ZNF385D: variants seen among roughly 807,000 people sequenced by gnomAD.
The protein encoded by ZNF385D is zinc finger protein 385D, also known as zinc finger protein 659.
ZNF385D carries 15 observed loss-of-function variants against 35.8 expected under a neutral mutation model. The ratio of observed to expected loss-of-function variants is 0.42; its 90% CI spans 0.28 to 0.64. The LOEUF (loss-of-function observed/expected upper bound fraction) is 0.64, where lower values mean the gene tolerates loss of function less well. Ranked by LOEUF, ZNF385D falls within the 30% of genes least tolerant of loss-of-function variation. The pLI, the probability that ZNF385D is intolerant of heterozygous loss-of-function variation, is 0.23. For synonymous variants in ZNF385D, 212 were observed against 186.8 expected (o/e 1.13, Z -1.10); for missense variants, 474 against 494.6 (o/e 0.96, Z 0.39).
chr3:21,510,728 C>T, intron 4 of ZNF385D, 133 bp downstream of exon 4: 2 of 1,170,286 alleles, frequency 1.7e-6, no homozygotes, highest in Non-Finnish European at 2.4e-6. Flanking sequence ...GAAACAATTA[C>T]CATTATACAG....
chr3:21,602,647 C>G (rs1007807236), intron 2 of ZNF385D, among the ~76,000 whole-genome samples: 1 of 149,634 alleles, frequency 6.7e-6, no homozygotes, highest in African/African-American at 2.5e-5. Flanking sequence ...ATTCTCCTGC[C>G]TCAGCCTCCC....
At chr3:21,755,679 T>C (rs1379062812), upstream of ZNF385D, among the ~76,000 whole-genome samples, 8 of 152,228 alleles carry the variant, frequency 5.3e-5, no homozygotes, top group Non-Finnish European at 1.5e-5. Context: ...TTTACTTGTA[T>C]GTAACCCAAA....
chr3:21,963,432 C>T (rs184661353), intron 3 of ZNF385D, among the ~76,000 whole-genome samples: 4 of 152,202 alleles, frequency 2.6e-5, no homozygotes, highest in Admixed American at 2.6e-4. Context: ...AAAGAGTTCG[C>T]ATCTTACTTT....
intron 3 of ZNF385D, among the ~76,000 whole-genome samples, chr3:22,075,529 T>A (rs979798107): frequency 6.6e-6 from 1 of 151,838 alleles, no homozygotes; most frequent in Non-Finnish European, 1.5e-5. Context: ...CTTTCTTGGA[T>A]TTCATGTAAC....
At chr3:22,079,636 C>A (rs1020506588) in intron 3 of ZNF385D, among the ~76,000 whole-genome samples, 1 of 151,926 alleles carries the variant, frequency 6.6e-6, no homozygotes, top group Non-Finnish European at 1.5e-5. Flanking sequence ...CAGGGAGATA[C>A]TGCACTAAAG....
intron 4 of ZNF385D, among the ~76,000 whole-genome samples, chr3:21,461,293 G>A (rs1260518562): frequency 2.6e-5 from 4 of 152,166 alleles, no homozygotes; most frequent in African/African-American, 9.7e-5. Flanking sequence ...GGCTATGCTT[G>A]TAATCTCAGC....
At chr3:21,939,545 A>G (rs181710255) in intron 3 of ZNF385D, among the ~76,000 whole-genome samples, 1 of 152,232 alleles carries the variant, frequency 6.6e-6, no homozygotes, top group African/African-American at 2.4e-5. Context: ...AACAATAATC[A>G]TTCAATCAAG....
chr3:22,313,902 T>G (rs1703734731), intron 2 of ZNF385D, among the ~76,000 whole-genome samples: 1 of 152,134 alleles, frequency 6.6e-6, no homozygotes, highest in South Asian at 2.1e-4. Context: ...TTCTATTCAC[T>G]TCTTGGTTTG....
chr3:22,004,620 A>G (rs1696082658), intron 3 of ZNF385D, among the ~76,000 whole-genome samples: 2 of 152,204 alleles, frequency 1.3e-5, no homozygotes, highest in Non-Finnish European at 2.9e-5. Context: ...TGATAGCTGT[A>G]AAGATAAAAA....
At chr3:22,214,766 A>C (rs1697752938) in intron 2 of ZNF385D, among the ~76,000 whole-genome samples, 1 of 152,062 alleles carries the variant, frequency 6.6e-6, no homozygotes, top group Non-Finnish European at 1.5e-5. Flanking sequence ...TCTCCTGATA[A>C]GATGTTATCA....
chr3:21,511,067 T>C (rs199695879), intron 3 of ZNF385D, 44 bp from the exon 4 acceptor site: 105 of 1,610,210 alleles, frequency 6.5e-5, no homozygotes, highest in Non-Finnish European at 8.8e-5. Flanking sequence ...GGCTCATTTC[T>C]AAACTGGCAT....
chr3:21,724,477 CAAAAAAA>C (rs200803155), intron 1 of ZNF385D, among the ~76,000 whole-genome samples: 10 of 51,994 alleles, frequency 1.9e-4, no homozygotes, highest in Non-Finnish European at 2.3e-4. Flanking sequence ...AATGGAAAGC[CAAAAAAA>C]AAAAAAAAAA....
intron 2 of ZNF385D, among the ~76,000 whole-genome samples, chr3:22,341,617 T>C (rs531830379): frequency 6.6e-6 from 1 of 152,300 alleles, no homozygotes; most frequent in South Asian, 2.1e-4. Context: ...TTATTCCTCC[T>C]CCATTACTAT....
At chr3:21,807,358 A>G (rs1193064309) in intron 3 of ZNF385D, among the ~76,000 whole-genome samples, 1 of 152,166 alleles carries the variant, frequency 6.6e-6, no homozygotes, top group African/African-American at 2.4e-5. Context: ...GGTTTATGAC[A>G]CTATGAAGAT....
chr3:22,109,879 A>T (rs1448793010), intron 3 of ZNF385D, among the ~76,000 whole-genome samples: 4 of 152,218 alleles, frequency 2.6e-5, no homozygotes, highest in African/African-American at 9.7e-5. Context: ...CAATCTACTC[A>T]TCTGACAAAG....
At chr3:22,006,772 T>C (rs564401071) in intron 3 of ZNF385D, among the ~76,000 whole-genome samples, 2 of 151,922 alleles carry the variant, frequency 1.3e-5, no homozygotes, top group African/African-American at 4.8e-5. Flanking sequence ...TCTTGAAATA[T>C]ATAAATGAGC....
At chr3:22,185,250 C>T (rs77794458) in intron 2 of ZNF385D, among the ~76,000 whole-genome samples, 9,235 of 152,120 alleles carry the variant, frequency 0.061, 461 homozygotes, top group South Asian at 0.18. Flanking sequence ...ACTAAGAGAA[C>T]ATTTGAGCCA....
At chr3:21,696,700 A>G (rs2067482375) in intron 1 of ZNF385D, among the ~76,000 whole-genome samples, 5 of 152,224 alleles carry the variant, frequency 3.3e-5, no homozygotes, top group Admixed American at 3.3e-4. Flanking sequence ...TCTACAATGC[A>G]TTTAGAAGGA....
intron 2 of ZNF385D, among the ~76,000 whole-genome samples, chr3:21,575,636 T>C (rs2063475419): frequency 6.6e-6 from 1 of 152,172 alleles, no homozygotes; most frequent in South Asian, 2.1e-4. Flanking sequence ...CAGGACTCAA[T>C]TGTGATGTCT....
Sources: allele counts gnomAD v4.1 joint callset (sites outside exome capture counted in the v4.1 genomes callset), GRCh38; gene constraint gnomAD v4.1.1; transcripts MANE v1.5; gene names NCBI Gene and HGNC (gene_info 2026-07-23, HGNC 2026-07-21).